The following TCF7L2 variants were observed in gnomAD, a reference collection of about 807,000 sequenced individuals.
TCF7L2 encodes the protein transcription factor 7-like 2.
Under a neutral mutation model 77.9 loss-of-function variants are expected in TCF7L2, and 23 were observed. The ratio of observed to expected loss-of-function variants is 0.30; its 90% CI spans 0.21 to 0.42. TCF7L2 has a LOEUF of 0.42. TCF7L2 is among the 10% of genes least tolerant of loss of function. The pLI, the probability that TCF7L2 is intolerant of heterozygous loss-of-function variation, is 1.00. For missense variants in TCF7L2, 654 were observed against 793.1 expected, an observed-to-expected ratio of 0.82 and a Z score of 2.11; for synonymous variants, 413 against 340.2, an observed-to-expected ratio of 1.21 and a Z score of -2.36.
intron 5 of TCF7L2, among the ~76,000 whole-genome samples, chr10:113,104,757 A>G (rs2062071204): frequency 6.6e-6 from 1 of 152,212 alleles, no homozygotes; most frequent in South Asian, 2.1e-4. Flanking sequence ...ACATCAGGTG[A>G]CACTCAAGGA....
At chr10:113,002,487 G>T (rs989333892) in intron 4 of TCF7L2, among the ~76,000 whole-genome samples, 2 of 152,282 alleles carry the variant, frequency 1.3e-5, no homozygotes, top group South Asian at 2.1e-4. Flanking sequence ...TGTGACAGGA[G>T]TCATCCAGCC....
intron 4 of TCF7L2, among the ~76,000 whole-genome samples, chr10:112,977,203 T>C (rs1337846213): frequency 6.6e-6 from 1 of 152,158 alleles, no homozygotes; most frequent in African/African-American, 2.4e-5. Flanking sequence ...CCAGAATAAA[T>C]AGCTTTGGTT....
chr10:113,112,731 C>T (rs1002473062), intron 5 of TCF7L2, among the ~76,000 whole-genome samples: 1 of 152,156 alleles, frequency 6.6e-6, no homozygotes. Flanking sequence ...AGAATGGGAT[C>T]GTACTGTCCT....
intron 4 of TCF7L2, among the ~76,000 whole-genome samples, chr10:113,007,498 A>G (rs949173901): frequency 1.3e-5 from 2 of 152,244 alleles, no homozygotes; most frequent in African/African-American, 4.8e-5. Flanking sequence ...ATCAAAAGGA[A>G]GGCTGAGGAA....
intron 5 of TCF7L2, among the ~76,000 whole-genome samples, chr10:113,120,954 A>T (rs148248526): frequency 6.6e-6 from 1 of 152,174 alleles, no homozygotes; most frequent in Non-Finnish European, 1.5e-5. Context: ...TTAAATCAGG[A>T]TGCTTCTTGT....
chr10:112,997,254 C>T (rs928756100), intron 4 of TCF7L2, among the ~76,000 whole-genome samples: 4 of 152,204 alleles, frequency 2.6e-5, no homozygotes, highest in African/African-American at 9.7e-5. Flanking sequence ...TGAAGGTACG[C>T]TGGTTTAGAC....
intron 4 of TCF7L2, among the ~76,000 whole-genome samples, chr10:112,994,054 C>CAA (rs762753537): frequency 0.021 from 2,370 of 111,626 alleles, 74 homozygotes; most frequent in African/African-American, 0.07. Context: ...GACTCTGTCT[C>CAA]AAAAAAAAAA....
intron 5 of TCF7L2, among the ~76,000 whole-genome samples, chr10:113,058,248 A>G (rs2055748981): frequency 6.6e-6 from 1 of 152,126 alleles, no homozygotes; most frequent in African/African-American, 2.4e-5. Flanking sequence ...CAAATATGCC[A>G]TGAAAGTATC....
intron 4 of TCF7L2, among the ~76,000 whole-genome samples, chr10:112,979,099 T>C (rs2039994136): frequency 6.6e-6 from 1 of 152,170 alleles, no homozygotes; most frequent in African/African-American, 2.4e-5. Context: ...GTTTTTTTTC[T>C]CTTTTGATTT....
intron 5 of TCF7L2, among the ~76,000 whole-genome samples, chr10:113,124,722 T>C (rs547995365): frequency 6.6e-6 from 1 of 151,990 alleles, no homozygotes; most frequent in East Asian, 1.9e-4. Flanking sequence ...CTTCTGCCTA[T>C]GTTGTAGAGA....
intron 8 of TCF7L2, among the ~76,000 whole-genome samples, chr10:113,148,629 G>A (rs1403244805): frequency 2.0e-5 from 3 of 152,166 alleles, no homozygotes; most frequent in Non-Finnish European, 2.9e-5. Flanking sequence ...AACAAGTTAA[G>A]GTTCATCATT....
At chr10:112,976,183 C>T (rs1424104967) in intron 4 of TCF7L2, among the ~76,000 whole-genome samples, 7 of 152,098 alleles carry the variant, frequency 4.6e-5, no homozygotes, top group African/African-American at 2.4e-5. Flanking sequence ...CTGGGCAGTA[C>T]GATGATACAG....
At chr10:113,033,225 TTC>T (rs146477223) in intron 4 of TCF7L2, among the ~76,000 whole-genome samples, 9 of 149,100 alleles carry the variant, frequency 6.0e-5, no homozygotes, top group Non-Finnish European at 8.9e-5. Flanking sequence ...CTTCTGCTGC[TTC>T]TCTCTCTCTC....
intron 4 of TCF7L2, among the ~76,000 whole-genome samples, chr10:113,032,512 A>T (rs1455017024): frequency 6.6e-6 from 1 of 152,232 alleles, no homozygotes; most frequent in East Asian, 1.9e-4. Context: ...GATGCTGGAA[A>T]GTCTTGCTTA....
At chr10:113,009,990 G>T (rs1234423692) in intron 4 of TCF7L2, among the ~76,000 whole-genome samples, 1 of 151,938 alleles carries the variant, frequency 6.6e-6, no homozygotes, top group East Asian at 1.9e-4. Flanking sequence ...TTAACCCTGT[G>T]TGTCACCCAC....
rs766365235 is a variant in TCF7L2, at chr10:113,159,907, T to C, written c.1319-712T>C. On this transcript the variant is annotated intron_variant, in intron 12 of 13. Transcript: ENST00000627217. ...TCTCCTCCTCTGCTCGCTTCTCTCT[T>C]GAACTCATTCAGACCTGAGCGCTCC... 6.9e-7 allele frequency: 1 copy of C among 1,443,082 alleles called. No individual in the cohort carries two copies. Among genetic ancestry groups the C allele is most frequent in the East Asian group, 3.2e-5 (1 of 31,430 alleles). The allele number at this position is 1,443,082 out of a possible 1,614,324, so 89.4% of individuals were successfully genotyped here.
chr10:113,102,838 C>A (rs1169716917), intron 5 of TCF7L2, among the ~76,000 whole-genome samples: 1 of 152,192 alleles, frequency 6.6e-6, no homozygotes, highest in Non-Finnish European at 1.5e-5. Context: ...TAAAAATCCA[C>A]TATCCTTCTG....
At position 113,152,375 on chromosome 10, in the gene TCF7L2, C is replaced by T. The variant is rs1255486320; in HGVS notation, c.1204C>T (p.Leu402=). 1 of 1,614,222 alleles carries T rather than the reference C, an allele frequency of 6.2e-7. No homozygotes were observed. The highest frequency in any genetic ancestry group is 1.1e-5 in the South Asian group (1 of 91,090). ...AGAAGAGCAAGCGAAATACTACGAG[C>T]TGGCCCGGAAGGAGCGACAGCTTCA... is the stretch of plus-strand genomic sequence containing the variant. Residue 402 remains leucine, a synonymous_variant, in exon 11 of 14, where the codon CTG becomes TTG. Coordinates refer to ENST00000627217, the MANE Select transcript of TCF7L2 (RefSeq NM_001146274.2).
intron 5 of TCF7L2, 118 bp downstream of exon 5, chr10:113,040,244 T>TGGA (rs2052197834): frequency 4.7e-6 from 4 of 846,930 alleles, no homozygotes; most frequent in Non-Finnish European, 7.3e-6. Flanking sequence ...ACATTTTCTT[T>TGGA]GGAAATATTG....
Sources: gnomAD v4.1 joint callset for allele counts (sites outside exome capture counted in the v4.1 genomes callset) on GRCh38, gnomAD v4.1.1 for gene constraint, MANE v1.5 for transcripts, NCBI Gene and HGNC (gene_info 2026-07-23, HGNC 2026-07-21) for gene names.